MYCBP2: variants seen among roughly 807,000 people sequenced by gnomAD.
The protein encoded by MYCBP2 is MYC binding protein 2.
A neutral mutation model predicts 525.3 loss-of-function variants in MYCBP2; 120 were observed. The observed-to-expected ratio is 0.23, with a 90% CI of 0.20 to 0.27. MYCBP2 has a LOEUF of 0.27. Ranked by LOEUF, MYCBP2 falls within the 10% of genes least tolerant of loss-of-function variation. The pLI is 1.00. For synonymous variants in MYCBP2, 1,894 were observed against 1,955.8 expected (o/e 0.97, Z 0.83); for missense variants, 4,149 against 5,657.1 (o/e 0.73, Z 8.55).
At chr13:77,223,512 C>T (rs559337071) in intron 20 of MYCBP2, among the ~76,000 whole-genome samples, 17 of 152,254 alleles carry the variant, frequency 1.1e-4, no homozygotes, top group African/African-American at 4.1e-4. Context: ...GACTGCATTA[C>T]GTAGAATACA....
chr13:77,231,052 C>T (rs888442612), intron 18 of MYCBP2, among the ~76,000 whole-genome samples: 6 of 152,082 alleles, frequency 3.9e-5, no homozygotes, highest in African/African-American at 1.4e-4. Context: ...TAAATTAATA[C>T]TCTTCACAAA....
intron 20 of MYCBP2, among the ~76,000 whole-genome samples, chr13:77,222,947 G>A (rs546370663): frequency 1.6e-4 from 24 of 152,288 alleles, no homozygotes; most frequent in African/African-American, 5.8e-4. Flanking sequence ...TGACTGCGAG[G>A]AAGAATAAGG....
intron 52 of MYCBP2, among the ~76,000 whole-genome samples, chr13:77,138,482 C>T (rs1292056736): frequency 2.0e-5 from 3 of 152,004 alleles, no homozygotes; most frequent in Non-Finnish European, 2.9e-5. Context: ...AAAATTTTAC[C>T]CGTGCTATTT....
chr13:77,263,684 G>C lies in MYCBP2; in HGVS notation c.1537C>G (p.Leu513Val), dbSNP rs80223665. The change falls in exon 10 of 83, where the codon CTA becomes GTA. Residue 513 changes from leucine (L) to valine (V), a missense_variant. Around this residue, in one of 21 missense-constraint regions of MYCBP2, gnomAD observed 262 missense variants for 419.3 expected, o/e 0.62. Coordinates refer to ENST00000544440, the MANE Select transcript of MYCBP2 (RefSeq NM_015057.5). ...TGCAAGTCCTTTTCCAGATCGAATAGTGAGATACCACAGGCATGTAAGCAT... is the reference window on the plus strand; with the variant it reads ...TGCAAGTCCTTTTCCAGATCGAATACTGAGATACCACAGGCATGTAAGCAT... ...RKCLHACGIS[L>V]FDLEKDLHII... 5.0e-6 allele frequency: 8 copies of C among 1,612,802 alleles called. No homozygotes were observed. The highest frequency in any genetic ancestry group is 5.9e-6 in the Non-Finnish European group (7 of 1,179,210).
chr13:77,199,227 G>A (rs372684766), intron 26 of MYCBP2, among the ~76,000 whole-genome samples: 63 of 152,362 alleles, frequency 4.1e-4, no homozygotes, highest in Admixed American at 1.9e-3. Flanking sequence ...TGCCTCACTC[G>A]GGAAGCGCAA....
At chr13:77,136,507 A>T (rs1453288213) in intron 52 of MYCBP2, among the ~76,000 whole-genome samples, 1 of 152,180 alleles carries the variant, frequency 6.6e-6, no homozygotes, top group Non-Finnish European at 1.5e-5. Context: ...CTGTCACAGC[A>T]GCTCAGCAAC....
At chr13:77,153,497 C>T (rs1334749361) in intron 46 of MYCBP2, among the ~76,000 whole-genome samples, 3 of 152,200 alleles carry the variant, frequency 2.0e-5, no homozygotes, top group Admixed American at 6.5e-5. Flanking sequence ...TTTATACATA[C>T]TATTTCAATT....
chr13:77,195,904 T>C (rs937222754), intron 26 of MYCBP2, among the ~76,000 whole-genome samples: 2 of 152,234 alleles, frequency 1.3e-5, no homozygotes, highest in Non-Finnish European at 2.9e-5. Flanking sequence ...TCTTAATAAT[T>C]TGTCCCCAAT....
At chr13:77,146,605 G>A (rs2055614263) in intron 47 of MYCBP2, among the ~76,000 whole-genome samples, 1 of 151,990 alleles carries the variant, frequency 6.6e-6, no homozygotes, top group South Asian at 2.1e-4. Flanking sequence ...ATACAAAAGA[G>A]ATAAACAACA....
Position 77,156,165 on chromosome 13 carries a change from T to C in MYCBP2, c.6808A>G (p.Thr2270Ala). The change falls in exon 46 of 83, where the codon ACA becomes GCA. Residue 2270 changes from threonine to alanine, a missense_variant. Physicochemically the swap from Thr to Ala is moderately conservative, Grantham distance 58. This residue lies in a region of MYCBP2 where 692 missense variants were observed against 852.7 expected (regional missense o/e 0.81). Coordinates refer to ENST00000544440, the MANE Select transcript of MYCBP2 (RefSeq NM_015057.5). ...QPDSYADPQKTSLILNKDDIR... is the reference protein window; with the variant it reads ...QPDSYADPQKASLILNKDDIR... ...TCATCCTTATTCAGGATCAAAGATGTTTTCTGAGGATCCGCATATGAATCT... is the reference window on the plus strand; with the variant it reads ...TCATCCTTATTCAGGATCAAAGATGCTTTCTGAGGATCCGCATATGAATCT... 6.2e-7 allele frequency: 1 copy of C among 1,613,938 alleles called. No individual in the cohort carries two copies. Among genetic ancestry groups the C allele is most frequent in the South Asian group, 1.1e-5 (1 of 91,052 alleles).
chr13:77,130,883 G>C (rs1355142047), intron 52 of MYCBP2, among the ~76,000 whole-genome samples: 1 of 152,112 alleles, frequency 6.6e-6, no homozygotes, highest in East Asian at 1.9e-4. Flanking sequence ...TAGTGATAAA[G>C]AAGCAATGTG....
In MYCBP2 at chr13:77,140,829, A is replaced by G. The variant is rs2054497857; in HGVS notation, c.7401+17T>C. ...AAAAATTGAATGATTCCGGCTCTCAATTCATTCTGCCCTAACCTTATTAGG... is the reference window on the plus strand; with the variant it reads ...AAAAATTGAATGATTCCGGCTCTCAGTTCATTCTGCCCTAACCTTATTAGG... On this transcript the variant is annotated intron_variant, in intron 50 of 82. Transcript: ENST00000544440. The G allele has an allele frequency of 6.3e-7, 1 of 1,577,280 alleles. No individual in the cohort carries two copies. The highest frequency in any genetic ancestry group is 2.3e-5 in the East Asian group (1 of 43,938).
intron 1 of MYCBP2, among the ~76,000 whole-genome samples, chr13:77,314,014 C>T (rs565308462): frequency 2.0e-5 from 3 of 151,654 alleles, no homozygotes; most frequent in South Asian, 2.1e-4. Flanking sequence ...CAAATGTTGG[C>T]GAGGCTTTAA....
chr13:77,214,996 C>T (rs1437410474), intron 21 of MYCBP2, among the ~76,000 whole-genome samples: 3 of 151,970 alleles, frequency 2.0e-5, no homozygotes, highest in Non-Finnish European at 4.4e-5. Context: ...TATATATCTT[C>T]ACAAGAAGAA....
At chr13:77,271,591 T>C (rs2074904662) in intron 5 of MYCBP2, among the ~76,000 whole-genome samples, 2 of 152,150 alleles carry the variant, frequency 1.3e-5, no homozygotes, top group South Asian at 4.1e-4. Context: ...GTCTTTCCTG[T>C]GCTGTTCTCA....
Position 77,228,386 on chromosome 13 carries a change from A to G in MYCBP2, c.2738-2832T>C, listed in dbSNP as rs553701635. On this transcript the variant is annotated intron_variant, in intron 18 of 82. Transcript: ENST00000544440. ...GCTGGGTGTGGTGGTGAATACCTGC[A>G]GTCCCAGCTACTTGGGTGGCTGAGG... Among the ~76,000 whole-genome samples the G allele has an allele frequency of 5.9e-5, 9 of 152,104 alleles. No individual in the cohort carries two copies. The East Asian group carries it at 1.5e-3, about 26-fold the overall frequency.
In MYCBP2 at chr13:77,171,537, C is replaced by T. The variant is rs111691082; in HGVS notation, c.5749G>A (p.Val1917Ile). The T allele has an allele frequency of 1.1e-5, 18 of 1,613,980 alleles. No homozygotes were observed. The highest frequency in any genetic ancestry group is 4.4e-5 in the South Asian group (4 of 91,090). ...SRALSVVSTV[V>I]RASKDLLHRA... Reference sequence around the variant, plus strand: ...TGCAGGAGGTCCTTAGAGGCTCGAACGACAGTGCTTACAACAGACAATGCT... The same window carrying T: ...TGCAGGAGGTCCTTAGAGGCTCGAATGACAGTGCTTACAACAGACAATGCT... The change falls in exon 38 of 83, where the codon GTT becomes ATT. Residue 1917 changes from valine (V) to isoleucine (I), a missense_variant. Around this residue, in one of 21 missense-constraint regions of MYCBP2, gnomAD observed 692 missense variants for 852.7 expected, o/e 0.81. Transcript: ENST00000544440.
intron 55 of MYCBP2, chr13:77,103,134 A>T: frequency 2.5e-6 from 1 of 396,314 alleles, no homozygotes. Context: ...CATGACTGAG[A>T]CGAACGGAAA....
At chr13:77,174,227 TC>T in intron 37 of MYCBP2, 83 bp downstream of exon 37, 1 of 1,245,658 alleles carries the variant, frequency 8.0e-7, no homozygotes, top group Non-Finnish European at 1.1e-6. Flanking sequence ...ATTATAAGTA[TC>T]CAGTTAGCAA....
Sources: gnomAD v4.1 joint callset for allele counts (sites outside exome capture counted in the v4.1 genomes callset) on GRCh38, gnomAD v4.1.1 for gene constraint, gnomAD v4.1.1 regional missense constraint, MANE v1.5 for transcripts, NCBI Gene and HGNC (gene_info 2026-07-23, HGNC 2026-07-21) for gene names.